Variants in PXDNL observed in about 807,000 individuals in gnomAD.
PXDNL encodes probable oxidoreductase PXDNL.
A neutral mutation model predicts 150.8 loss-of-function variants in PXDNL; 145 were observed. The observed-to-expected ratio is 0.96, with a 90% confidence interval of 0.84 to 1.10. PXDNL has a LOEUF of 1.10. Among genes scored for constraint, PXDNL ranks in the 50% least tolerant of loss-of-function variants. The pLI is 0.00. For synonymous variants in PXDNL, 757 were observed against 725.7 expected, an observed-to-expected ratio of 1.04 and a Z score of -0.69; for missense variants, 2,087 against 1,873.9, an observed-to-expected ratio of 1.11 and a Z score of -2.10.
chr8:51,482,724 T>G (rs1479425189), intron 6 of PXDNL, among the ~76,000 whole-genome samples: 1 of 152,224 alleles, frequency 6.6e-6, no homozygotes, highest in African/African-American at 2.4e-5. Context: ...ACAGGCTCTC[T>G]TGCCTGCCAC....
chr8:51,722,932 T>G (rs892046495), intron 1 of PXDNL, among the ~76,000 whole-genome samples: 1 of 152,102 alleles, frequency 6.6e-6, no homozygotes, highest in Non-Finnish European at 1.5e-5. Flanking sequence ...AACTTCTTTT[T>G]TCTATCCAGT....
chr8:51,424,827 G>A (rs1809049360), intron 13 of PXDNL, among the ~76,000 whole-genome samples: 1 of 152,174 alleles, frequency 6.6e-6, no homozygotes, highest in Non-Finnish European at 1.5e-5. Flanking sequence ...AACGTTTAGA[G>A]TGAAAATAAC....
chr8:51,470,994 T>C lies in PXDNL; in HGVS notation c.812+1193A>G, dbSNP rs543347131. On this transcript the variant is annotated intron_variant, in intron 8 of 22. Coordinates refer to ENST00000356297, the MANE Select transcript of PXDNL (RefSeq NM_144651.5). ...GCCAAAATTGACAAATGGGATCTAGTTAAACTAAAGAGCTTCTGCACAGCA... is the reference window on the plus strand; with the variant it reads ...GCCAAAATTGACAAATGGGATCTAGCTAAACTAAAGAGCTTCTGCACAGCA... 2.0e-5 allele frequency among the ~76,000 whole-genome samples: 3 copies of C among 150,886 alleles called. No homozygotes were observed. In the South Asian group the frequency reaches 6.3e-4, roughly 32 times the overall value.
At chr8:51,571,564 A>G (rs1812946366) in intron 3 of PXDNL, among the ~76,000 whole-genome samples, 1 of 151,862 alleles carries the variant, frequency 6.6e-6, no homozygotes, top group Non-Finnish European at 1.5e-5. Context: ...TACATAATCT[A>G]TAAGACTCCT....
intron 1 of PXDNL, among the ~76,000 whole-genome samples, chr8:51,806,375 G>C (rs1485013173): frequency 6.6e-6 from 1 of 152,108 alleles, no homozygotes; most frequent in Non-Finnish European, 1.5e-5. Context: ...CATAAGGGCG[G>C]TTTAACAAAA....
At chr8:51,413,524 CT>C (rs1808711445) in intron 14 of PXDNL, among the ~76,000 whole-genome samples, 1 of 151,880 alleles carries the variant, frequency 6.6e-6, no homozygotes, top group Middle Eastern at 3.2e-3. Context: ...AAAATATTTC[CT>C]TTTGAACAAT....
chr8:51,398,984 A>T (rs952406869), intron 17 of PXDNL, among the ~76,000 whole-genome samples: 5 of 152,210 alleles, frequency 3.3e-5, no homozygotes, highest in African/African-American at 1.2e-4. Context: ...ATCAAAATGA[A>T]AATTTCACTT....
At chr8:51,490,396 C>T (rs560604760) in intron 5 of PXDNL, among the ~76,000 whole-genome samples, 132 of 151,782 alleles carry the variant, frequency 8.7e-4, no homozygotes, top group Middle Eastern at 6.8e-3. Flanking sequence ...GCAGGAAAAA[C>T]GTTGAATATC....
intron 21 of PXDNL, 153 bp from the exon 22 acceptor site, chr8:51,321,050 C>A: frequency 1.6e-6 from 1 of 612,444 alleles, no homozygotes; most frequent in Non-Finnish European, 2.9e-6. Flanking sequence ...TCATTTTCCC[C>A]CAGGACTTAA....
chr8:51,482,603 T>A (rs1810628406), intron 6 of PXDNL, among the ~76,000 whole-genome samples: 1 of 152,088 alleles, frequency 6.6e-6, no homozygotes, highest in Admixed American at 6.6e-5. Context: ...ATTGTAATAA[T>A]CCCCATGTGT....
intron 21 of PXDNL, among the ~76,000 whole-genome samples, chr8:51,331,532 G>A (rs928294061): frequency 2.0e-5 from 3 of 152,144 alleles, no homozygotes; most frequent in Admixed American, 6.5e-5. Context: ...CACAGGCAGG[G>A]GAAGAACTAA....
intron 1 of PXDNL, among the ~76,000 whole-genome samples, chr8:51,688,013 A>G (rs1003097781): frequency 3.3e-5 from 5 of 152,228 alleles, no homozygotes; most frequent in Non-Finnish European, 7.3e-5. Context: ...GATCTCAATG[A>G]TATTCTTCTG....
rs1187522368 is a variant in PXDNL, at chr8:51,367,319, C to A, written c.3901+4554G>T. Reference sequence around the variant, plus strand: ...ACAGCCAATCCCCAAAACCAAAAACCATGGAAAAAGCTGTTTAAACACACT... The same window carrying A: ...ACAGCCAATCCCCAAAACCAAAAACAATGGAAAAAGCTGTTTAAACACACT... On this transcript the variant is annotated intron_variant, in intron 19 of 22. Transcript: ENST00000356297. 5.9e-5 allele frequency among the ~76,000 whole-genome samples: 9 copies of A among 151,770 alleles called. 1 individual carries two copies.
At chr8:51,753,011 C>T (rs746011660) in intron 1 of PXDNL, among the ~76,000 whole-genome samples, 10 of 152,332 alleles carry the variant, frequency 6.6e-5, no homozygotes, top group South Asian at 2.1e-4. Context: ...TGCCAACATG[C>T]GGCTGCCTCC....
At chr8:51,636,682 A>C (rs1814609384) in intron 2 of PXDNL, among the ~76,000 whole-genome samples, 1 of 152,256 alleles carries the variant, frequency 6.6e-6, no homozygotes, top group African/African-American at 2.4e-5. Context: ...AAGAATAAGG[A>C]AGACCTAAAT....
At chr8:51,510,894 G>C (rs965094865) in intron 4 of PXDNL, among the ~76,000 whole-genome samples, 2 of 152,136 alleles carry the variant, frequency 1.3e-5, no homozygotes, top group Non-Finnish European at 2.9e-5. Flanking sequence ...ACTAATTAAA[G>C]GGTTTCAGGC....
chr8:51,350,247 T>C (rs1297781315), intron 19 of PXDNL, among the ~76,000 whole-genome samples: 7 of 152,030 alleles, frequency 4.6e-5, no homozygotes, highest in Non-Finnish European at 8.8e-5. Flanking sequence ...GAGGCAGTGA[T>C]TGATTCGCAT....
At chr8:51,488,715 G>A (rs763490828) in intron 5 of PXDNL, among the ~76,000 whole-genome samples, 3 of 152,144 alleles carry the variant, frequency 2.0e-5, no homozygotes, top group African/African-American at 2.4e-5. Context: ...AGGAGAGCAG[G>A]TGAAACTCAC....
intron 2 of PXDNL, among the ~76,000 whole-genome samples, chr8:51,651,881 C>G (rs943902462): frequency 6.6e-6 from 1 of 152,248 alleles, no homozygotes; most frequent in African/African-American, 2.4e-5. Context: ...TGTGCTGCAG[C>G]GGGTGAAATT....
Sources: gnomAD v4.1 joint callset for allele counts (sites outside exome capture counted in the v4.1 genomes callset) on GRCh38, gnomAD v4.1.1 for gene constraint, MANE v1.5 for transcripts, NCBI Gene and HGNC (gene_info 2026-07-23, HGNC 2026-07-21) for gene names.